LRRTM4: variants seen among roughly 807,000 people sequenced by gnomAD.
LRRTM4 encodes leucine-rich repeat transmembrane neuronal protein 4.
LRRTM4 carries 25 observed loss-of-function variants against 47.6 expected under a neutral mutation model. The ratio of observed to expected loss-of-function variants is 0.53; its 90% confidence interval spans 0.38 to 0.73. LRRTM4 has a LOEUF of 0.73. LRRTM4 is among the 30% of genes least tolerant of loss of function. The pLI is 0.00. For missense variants in LRRTM4, 638 were observed against 713.4 expected (o/e 0.89, Z 1.20); for synonymous variants, 311 against 269.5 (o/e 1.15, Z -1.51).
intron 3 of LRRTM4, among the ~76,000 whole-genome samples, chr2:77,258,011 G>A (rs1216479440): frequency 3.3e-5 from 5 of 151,768 alleles, no homozygotes; most frequent in African/African-American, 9.7e-5. Context: ...CAGAAAAATT[G>A]CTTGAACCTT....
chr2:77,071,558 A>G (rs1479093636), intron 3 of LRRTM4, among the ~76,000 whole-genome samples: 1 of 152,194 alleles, frequency 6.6e-6, no homozygotes, highest in African/African-American at 2.4e-5. Context: ...ATAGCAATAA[A>G]TTATAATTAT....
intron 3 of LRRTM4, among the ~76,000 whole-genome samples, chr2:77,393,153 G>A (rs1337079805): frequency 6.6e-6 from 1 of 151,616 alleles, no homozygotes; most frequent in Non-Finnish European, 1.5e-5. Context: ...TATTTAACTA[G>A]AAATCTCCTT....
intron 3 of LRRTM4, among the ~76,000 whole-genome samples, chr2:77,067,213 G>T (rs1403474676): frequency 2.0e-5 from 3 of 151,906 alleles, no homozygotes; most frequent in African/African-American, 7.3e-5. Context: ...TTATTAAAAT[G>T]ACTGAAGAAA....
chr2:77,022,781 A>T (rs1366090776), intron 3 of LRRTM4, among the ~76,000 whole-genome samples: 1 of 152,180 alleles, frequency 6.6e-6, no homozygotes, highest in African/African-American at 2.4e-5. Flanking sequence ...TGCAGGGTAC[A>T]GTCTCCCTCC....
At chr2:77,482,558 T>C (rs1243240650) in intron 3 of LRRTM4, among the ~76,000 whole-genome samples, 13 of 152,098 alleles carry the variant, frequency 8.5e-5, no homozygotes, top group Admixed American at 7.9e-4. Flanking sequence ...AAGAGAATTG[T>C]CACAAAAGAA....
chr2:76,793,184 T>G (rs1484235686), intron 3 of LRRTM4, among the ~76,000 whole-genome samples: 1 of 152,174 alleles, frequency 6.6e-6, no homozygotes, highest in Non-Finnish European at 1.5e-5. Flanking sequence ...GTGTAACCTA[T>G]TTATACTCTA....
intron 3 of LRRTM4, among the ~76,000 whole-genome samples, chr2:77,432,346 G>T (rs542786618): frequency 1.1e-4 from 17 of 152,206 alleles, no homozygotes; most frequent in South Asian, 4.1e-4. Context: ...TTACATCGTC[G>T]ATTAGCTTTC....
intron 3 of LRRTM4, among the ~76,000 whole-genome samples, chr2:76,904,377 G>C (rs1326617834): frequency 6.6e-6 from 1 of 152,340 alleles, no homozygotes; most frequent in Non-Finnish European, 1.5e-5. Flanking sequence ...ATGACAGACA[G>C]AGTGGACAGG....
At chr2:76,830,887 C>T (rs1671331658) in intron 3 of LRRTM4, among the ~76,000 whole-genome samples, 1 of 151,984 alleles carries the variant, frequency 6.6e-6, no homozygotes. Context: ...TTATTTATCT[C>T]TGACCTAATA....
chr2:76,776,073 C>T (rs1466753032), intron 3 of LRRTM4, among the ~76,000 whole-genome samples: 3 of 152,212 alleles, frequency 2.0e-5, no homozygotes, highest in African/African-American at 7.2e-5. Flanking sequence ...CATGTCCCTA[C>T]AAAGGACATG....
At chr2:77,368,771 A>G (rs1326118390) in intron 3 of LRRTM4, among the ~76,000 whole-genome samples, 4 of 151,768 alleles carry the variant, frequency 2.6e-5, no homozygotes, top group Non-Finnish European at 2.9e-5. Context: ...ATATCCACGT[A>G]TCGGCTGTAG....
intron 3 of LRRTM4, among the ~76,000 whole-genome samples, chr2:77,181,755 G>T (rs1281082683): frequency 6.6e-6 from 1 of 152,020 alleles, no homozygotes; most frequent in Non-Finnish European, 1.5e-5. Flanking sequence ...AAAAGCAGTA[G>T]ATGTTTAGGA....
intron 3 of LRRTM4, among the ~76,000 whole-genome samples, chr2:77,350,066 T>C (rs1365061175): frequency 1.3e-5 from 2 of 151,814 alleles, no homozygotes; most frequent in Non-Finnish European, 2.9e-5. Context: ...CTCACGCCTG[T>C]AATCCCAGCA....
intron 3 of LRRTM4, among the ~76,000 whole-genome samples, chr2:76,888,282 G>C (rs1053084349): frequency 1.3e-5 from 2 of 150,878 alleles, no homozygotes; most frequent in African/African-American, 4.9e-5. Context: ...TTTCTATAAT[G>C]GTATACTAAT....
intron 3 of LRRTM4, among the ~76,000 whole-genome samples, chr2:77,342,571 T>C (rs1421130859): frequency 6.6e-6 from 1 of 151,982 alleles, no homozygotes; most frequent in Non-Finnish European, 1.5e-5. Flanking sequence ...AGAACACAGA[T>C]TCTTCATGGG....
chr2:77,040,333 T>G (rs1364036698), intron 3 of LRRTM4, among the ~76,000 whole-genome samples: 1 of 151,414 alleles, frequency 6.6e-6, no homozygotes, highest in Non-Finnish European at 1.5e-5. Context: ...TTTTGACAAA[T>G]GGTGCACACG....
intron 3 of LRRTM4, among the ~76,000 whole-genome samples, chr2:77,390,822 A>G (rs1455069648): frequency 6.6e-6 from 1 of 151,784 alleles, no homozygotes; most frequent in Non-Finnish European, 1.5e-5. Context: ...TTTGATGAAA[A>G]TATATTTCAT....
intron 3 of LRRTM4, among the ~76,000 whole-genome samples, chr2:76,806,732 T>G (rs1245943164): frequency 1.3e-5 from 2 of 152,104 alleles, no homozygotes; most frequent in Non-Finnish European, 2.9e-5. Context: ...TTTAGAATGG[T>G]GATAAGATAT....
chr2:76,955,026 A>G (rs1196692070), intron 3 of LRRTM4, among the ~76,000 whole-genome samples: 2 of 151,988 alleles, frequency 1.3e-5, no homozygotes, highest in Middle Eastern at 3.4e-3. Context: ...TTCCAGGAAA[A>G]CAAAAGCTGC....
Sources: allele counts gnomAD v4.1 joint callset (sites outside exome capture counted in the v4.1 genomes callset), GRCh38; gene constraint gnomAD v4.1.1; transcripts MANE v1.5; gene names NCBI Gene and HGNC (gene_info 2026-07-23, HGNC 2026-07-21).